ATRNL1: variants seen among roughly 807,000 people sequenced by gnomAD.
ATRNL1 encodes the protein attractin-like protein 1.
In ATRNL1, 95 loss-of-function variants were observed where a neutral mutation model predicts 182.7. The ratio of observed to expected loss-of-function variants is 0.52; its 90% CI spans 0.44 to 0.62. The LOEUF is 0.62. Ranked by LOEUF, ATRNL1 falls within the 20% of genes least tolerant of loss-of-function variation. The pLI, the probability that ATRNL1 is intolerant of heterozygous loss-of-function variation, is 0.00. For synonymous variants in ATRNL1, 576 were observed against 568.3 expected, an observed-to-expected ratio of 1.01 and a Z score of -0.19; for missense variants, 1,471 against 1,679.5, an observed-to-expected ratio of 0.88 and a Z score of 2.17.
intron 22 of ATRNL1, among the ~76,000 whole-genome samples, chr10:115,462,440 C>A (rs1554969921): frequency 1.3e-5 from 2 of 151,886 alleles, no homozygotes; most frequent in African/African-American, 4.8e-5. Context: ...GGTGAATCCC[C>A]ATCTCTACTA....
At position 115,583,481 on chromosome 10, in the gene ATRNL1, G is replaced by C. The variant is rs1855272297; in HGVS notation, c.3795+33945G>C. On this transcript the variant is annotated intron_variant, in intron 26 of 28. Coordinates refer to ENST00000355044, the MANE Select transcript of ATRNL1 (RefSeq NM_207303.4). ...GATCCGTCACATCCCTTGTAAGTTGGATTCCTGGGTATTTTATTCTCTTTG... is the reference window on the plus strand; with the variant it reads ...GATCCGTCACATCCCTTGTAAGTTGCATTCCTGGGTATTTTATTCTCTTTG... Among the ~76,000 whole-genome samples the C allele has an allele frequency of 1.9e-5, 2 of 107,306 alleles. 1 individual carries two copies. Among genetic ancestry groups the C allele is most frequent in the African/African-American group, 5.7e-5 (2 of 35,266 alleles). The allele number at this position is 107,306 out of a possible 152,430, so 70.4% of individuals were successfully genotyped here.
At chr10:115,127,835 T>A in intron 4 of ATRNL1, 114 bp downstream of exon 4, 1 of 702,112 alleles carries the variant, frequency 1.4e-6, no homozygotes, top group South Asian at 3.8e-5. Context: ...GCTACCGTGT[T>A]AAATTTCAAA....
chr10:115,250,353 G>T (rs1392533516), intron 10 of ATRNL1, among the ~76,000 whole-genome samples: 2 of 152,192 alleles, frequency 1.3e-5, no homozygotes, highest in Non-Finnish European at 2.9e-5. Context: ...TATGGCCTTT[G>T]ACATGTGTGT....
chr10:115,839,186 A>G (rs782711080), intron 27 of ATRNL1, among the ~76,000 whole-genome samples: 2 of 152,182 alleles, frequency 1.3e-5, no homozygotes, highest in African/African-American at 2.4e-5. Context: ...TTCCCTCAGT[A>G]TAACAGATTT....
intron 9 of ATRNL1, among the ~76,000 whole-genome samples, chr10:115,234,130 T>A (rs1486878018): frequency 5.3e-5 from 8 of 152,050 alleles, no homozygotes; most frequent in African/African-American, 1.9e-4. Flanking sequence ...GGGTGTAGAG[T>A]TTTAACTACT....
chr10:115,600,476 A>C lies in ATRNL1; in HGVS notation c.3795+50940A>C, dbSNP rs754032055. Among the ~76,000 whole-genome samples, 13 of 151,842 alleles carry C rather than the reference A, an allele frequency of 8.6e-5. No individual in the cohort carries two copies. The East Asian group carries it at 2.5e-3, about 29-fold the overall frequency. On this transcript the variant is annotated intron_variant, in intron 26 of 28. Coordinates refer to ENST00000355044, the MANE Select transcript of ATRNL1 (RefSeq NM_207303.4). Reference sequence around the variant, plus strand: ...TTTACTCTAGTACCTCATAGTTATAATTTTCAGTTTTTGTTGGCTAATGGT... The same window carrying C: ...TTTACTCTAGTACCTCATAGTTATACTTTTCAGTTTTTGTTGGCTAATGGT...
intron 1 of ATRNL1, 144 bp downstream of exon 1, chr10:115,094,187 G>A (rs2084952917): frequency 3.4e-6 from 3 of 888,320 alleles, no homozygotes; most frequent in Non-Finnish European, 4.5e-6. Context: ...GGCGGGAGCG[G>A]GCGAGAGTGG....
chr10:115,931,705 T>C (rs1953399604), intron 28 of ATRNL1, among the ~76,000 whole-genome samples: 1 of 152,180 alleles, frequency 6.6e-6, no homozygotes. Context: ...AACAAAGTTT[T>C]CCATCTCTCC....
intron 21 of ATRNL1, among the ~76,000 whole-genome samples, chr10:115,445,935 T>G (rs1456569279): frequency 6.6e-6 from 1 of 152,230 alleles, no homozygotes; most frequent in Non-Finnish European, 1.5e-5. Flanking sequence ...TTACTTTATT[T>G]CTTTTTATGA....
intron 27 of ATRNL1, among the ~76,000 whole-genome samples, chr10:115,839,216 G>A (rs1173935683): frequency 2.0e-5 from 3 of 152,128 alleles, no homozygotes; most frequent in African/African-American, 7.2e-5. Flanking sequence ...TTTAATAAAG[G>A]GACACCGCAA....
chr10:115,574,520 T>C (rs1466659235), intron 26 of ATRNL1, among the ~76,000 whole-genome samples: 4 of 152,174 alleles, frequency 2.6e-5, no homozygotes, highest in Admixed American at 2.6e-4. Context: ...AAATATTTAA[T>C]ATCAAATCTA....
At chr10:115,286,463 T>A in intron 15 of ATRNL1, 66 bp downstream of exon 15, 1 of 1,137,448 alleles carries the variant, frequency 8.8e-7, no homozygotes, top group East Asian at 2.7e-5. Flanking sequence ...TTTGAAATTT[T>A]TTTTTGGTTT....
chr10:115,420,003 T>C (rs1456522781), intron 20 of ATRNL1, among the ~76,000 whole-genome samples: 1 of 151,122 alleles, frequency 6.6e-6, no homozygotes, highest in East Asian at 1.9e-4. Flanking sequence ...TTGTTTAAGA[T>C]AGATTATATG....
intron 8 of ATRNL1, among the ~76,000 whole-genome samples, chr10:115,173,048 A>T (rs1221694859): frequency 1.3e-5 from 2 of 151,916 alleles, no homozygotes; most frequent in African/African-American, 4.8e-5. Flanking sequence ...TGATGACCTT[A>T]GTTCTTATTT....
intron 27 of ATRNL1, among the ~76,000 whole-genome samples, chr10:115,767,672 T>G: frequency 6.6e-6 from 1 of 152,162 alleles, no homozygotes; most frequent in East Asian, 1.9e-4. Flanking sequence ...CCTTTACCTA[T>G]CAACCAGCAC....
chr10:115,696,924 A>C (rs939318981), intron 26 of ATRNL1, among the ~76,000 whole-genome samples: 2 of 151,394 alleles, frequency 1.3e-5, no homozygotes, highest in Non-Finnish European at 1.5e-5. Flanking sequence ...GGGAAATGCC[A>C]CACTTTAAAA....
chr10:115,765,635 A>G (rs909943600), intron 27 of ATRNL1, among the ~76,000 whole-genome samples: 6 of 152,172 alleles, frequency 3.9e-5, no homozygotes, highest in Admixed American at 3.9e-4. Context: ...TAAGTCTTCA[A>G]TTTTAATGAA....
chr10:115,472,288 G>A (rs1407835133), intron 24 of ATRNL1, among the ~76,000 whole-genome samples: 2 of 150,972 alleles, frequency 1.3e-5, no homozygotes, highest in Non-Finnish European at 3.0e-5. Context: ...GATGCCTCCA[G>A]CTTTGTTCTT....
At chr10:115,597,567 G>GT in intron 26 of ATRNL1, 1 of 361,336 alleles carries the variant, frequency 2.8e-6, no homozygotes, top group Non-Finnish European at 5.0e-6. Context: ...ATTTATGGGA[G>GT]CTTTTTTTTT....
Sources: gnomAD v4.1 joint callset for allele counts (sites outside exome capture counted in the v4.1 genomes callset) on GRCh38, gnomAD v4.1.1 for gene constraint, MANE v1.5 for transcripts, NCBI Gene and HGNC (gene_info 2026-07-23, HGNC 2026-07-21) for gene names.